ATL1: variants seen among roughly 807,000 people sequenced by gnomAD.
ATL1 encodes atlastin-1.
In ATL1, 31 loss-of-function variants were observed where a neutral mutation model predicts 75.5. The observed-to-expected ratio is 0.41, with a 90% CI of 0.31 to 0.55. ATL1 has a LOEUF of 0.55. Among genes scored for constraint, ATL1 ranks in the 20% least tolerant of loss-of-function variants. ATL1 has a pLI of 0.27. For synonymous variants in ATL1, 226 were observed against 233.3 expected, an observed-to-expected ratio of 0.97 and a Z score of 0.28; for missense variants, 405 against 662.6, an observed-to-expected ratio of 0.61 and a Z score of 4.27.
At chr14:50,613,910 T>C (rs1397753240) in intron 7 of ATL1, among the ~76,000 whole-genome samples, 1 of 152,172 alleles carries the variant, frequency 6.6e-6, no homozygotes, top group Non-Finnish European at 1.5e-5. Flanking sequence ...GTGAGGGTGA[T>C]TTAGCTTGTA....
chr14:50,537,235 G>A (rs2038505230), intron 1 of ATL1, among the ~76,000 whole-genome samples: 1 of 152,236 alleles, frequency 6.6e-6, no homozygotes. Context: ...GCTTCAGAGG[G>A]TGCAAGCCTC....
At chr14:50,552,496 C>A (rs2038714946) in intron 1 of ATL1, among the ~76,000 whole-genome samples, 1 of 152,116 alleles carries the variant, frequency 6.6e-6, no homozygotes, top group Admixed American at 6.5e-5. Flanking sequence ...CATCATTCTT[C>A]ACAGAACTAG....
intron 8 of ATL1, among the ~76,000 whole-genome samples, chr14:50,615,665 A>C (rs538829191): frequency 6.6e-6 from 1 of 152,344 alleles, no homozygotes; most frequent in African/African-American, 2.4e-5. Context: ...TGTCACACTT[A>C]TGAATTCCAA....
intron 13 of ATL1, 140 bp downstream of exon 13, chr14:50,630,149 T>C (rs1228722892): frequency 5.5e-6 from 3 of 544,540 alleles, no homozygotes; most frequent in Non-Finnish European, 9.2e-6. Flanking sequence ...AAATTTGTAA[T>C]TGTGAATTTT....
chr14:50,555,492 C>T (rs1222255785), upstream of ATL1, among the ~76,000 whole-genome samples: 1 of 152,140 alleles, frequency 6.6e-6, no homozygotes, highest in African/African-American at 2.4e-5. Context: ...CCGTGTTGCC[C>T]AGGCTGGTTT....
At chr14:50,564,083 C>A (rs1015265983) in intron 1 of ATL1, among the ~76,000 whole-genome samples, 6 of 151,990 alleles carry the variant, frequency 3.9e-5, no homozygotes, top group Non-Finnish European at 7.4e-5. Flanking sequence ...GAAATCAATG[C>A]TGTATAAATT....
rs561004293 is a variant in ATL1 at position 50,535,784 on chromosome 14, T to C, written c.-140+2417T>C. On this transcript the variant is annotated intron_variant, in intron 1 of 13. Coordinates refer to the ATL1 transcript ENST00000441560. ...ATCCCTTTCATCCAGTTTGAATTGATCATCAGATATGTTACTGATATGGTT... is the reference window on the plus strand; with the variant it reads ...ATCCCTTTCATCCAGTTTGAATTGACCATCAGATATGTTACTGATATGGTT... 5.3e-5 allele frequency among the ~76,000 whole-genome samples: 8 copies of C among 152,322 alleles called. No homozygotes were observed. The South Asian group carries it at 1.0e-3, about 20-fold the overall frequency.
intron 6 of ATL1, among the ~76,000 whole-genome samples, chr14:50,612,924 G>A (rs1237579228): frequency 6.6e-6 from 1 of 152,150 alleles, no homozygotes; most frequent in South Asian, 2.1e-4. Flanking sequence ...TATCAGAAAG[G>A]AAGATTCCTA....
intron 1 of ATL1, among the ~76,000 whole-genome samples, chr14:50,548,433 A>G (rs2038661661): frequency 6.6e-6 from 1 of 152,238 alleles, no homozygotes; most frequent in Admixed American, 6.5e-5. Flanking sequence ...AGAAGTCACT[A>G]GAGATGCCAC....
chr14:50,625,283 A>G (rs1401938097), intron 11 of ATL1, among the ~76,000 whole-genome samples: 1 of 152,190 alleles, frequency 6.6e-6, no homozygotes, highest in Non-Finnish European at 1.5e-5. Context: ...ATGCAGAAGA[A>G]AAGTTGGAAG....
chr14:50,590,641 C>A (rs974396573), intron 2 of ATL1, among the ~76,000 whole-genome samples: 1 of 152,140 alleles, frequency 6.6e-6, no homozygotes, highest in African/African-American at 2.4e-5. Flanking sequence ...TTTTGGCATG[C>A]ATTTATTGCA....
At chr14:50,571,603 C>T in intron 1 of ATL1, among the ~76,000 whole-genome samples, 1 of 151,998 alleles carries the variant, frequency 6.6e-6, no homozygotes, top group East Asian at 1.9e-4. Context: ...TTTTTCTTTT[C>T]TAGTTTGTTA....
chr14:50,621,963 G>T, intron 10 of ATL1, 64 bp downstream of exon 10: 5 of 1,093,416 alleles, frequency 4.6e-6, no homozygotes, highest in Non-Finnish European at 7.0e-6. Context: ...CTGGCTGTCA[G>T]AAATAACCAA....
chr14:50,568,850 CT>C (rs993525601), intron 1 of ATL1, among the ~76,000 whole-genome samples: 10 of 151,560 alleles, frequency 6.6e-5, no homozygotes, highest in East Asian at 3.9e-4. Context: ...ATTTTTCTAG[CT>C]TTTTTTTGTG....
At chr14:50,593,788 G>T in intron 4 of ATL1, 58 bp from the exon 5 acceptor site, 3 of 1,122,270 alleles carry the variant, frequency 2.7e-6, no homozygotes, top group Non-Finnish European at 4.1e-6. Context: ...GAATGATGAA[G>T]TAAGTGCTTA....
chr14:50,585,632 T>C (rs1351500381), intron 1 of ATL1, among the ~76,000 whole-genome samples: 1 of 152,246 alleles, frequency 6.6e-6, no homozygotes, highest in African/African-American at 2.4e-5. Flanking sequence ...CTTTATTTAA[T>C]GGAAATTACT....
intron 4 of ATL1, among the ~76,000 whole-genome samples, chr14:50,592,432 G>A (rs932239441): frequency 4.6e-5 from 7 of 152,158 alleles, no homozygotes; most frequent in South Asian, 4.1e-4. Context: ...AATGGAGCTA[G>A]TGAACCAGCA....
chr14:50,596,385 GT>G (rs1020045937), intron 6 of ATL1, among the ~76,000 whole-genome samples: 32 of 152,164 alleles, frequency 2.1e-4, no homozygotes, highest in African/African-American at 7.5e-4. Flanking sequence ...GAAGAAATAA[GT>G]AAATCCACTG....
upstream of ATL1, among the ~76,000 whole-genome samples, chr14:50,555,641 T>C (rs1287807103): frequency 6.6e-6 from 1 of 152,194 alleles, no homozygotes. Flanking sequence ...GCTCAGATTA[T>C]TTCATAAGAC....
Sources: gnomAD v4.1 joint callset for allele counts (sites outside exome capture counted in the v4.1 genomes callset) on GRCh38, gnomAD v4.1.1 for gene constraint, MANE v1.5 for transcripts, NCBI Gene and HGNC (gene_info 2026-07-23, HGNC 2026-07-21) for gene names.